The following FRAS1 variants were observed in gnomAD, a reference collection of about 807,000 sequenced individuals.
The protein encoded by FRAS1 is Fraser extracellular matrix complex subunit 1, also known as extracellular matrix organizing protein FRAS1.
Under a neutral mutation model 435.2 loss-of-function variants are expected in FRAS1, and 290 were observed. That is an observed-to-expected ratio of 0.67 (90% confidence interval 0.61 to 0.73). The LOEUF (loss-of-function observed/expected upper bound fraction) is 0.73. Among genes scored for constraint, FRAS1 ranks in the 30% least tolerant of loss-of-function variants. The pLI is 0.00. For missense variants in FRAS1, 4,860 were observed against 5,001.5 expected (o/e 0.97, Z 0.85); for synonymous variants, 1,800 against 1,851.0 (o/e 0.97, Z 0.71).
At chr4:78,409,107 A>C (rs1733221601) in intron 31 of FRAS1, among the ~76,000 whole-genome samples, 1 of 142,482 alleles carries the variant, frequency 7.0e-6, no homozygotes, top group Non-Finnish European at 1.5e-5. Context: ...TGACAGAGCG[A>C]GACCCTCTCT....
chr4:78,507,514 C>A lies in FRAS1; in HGVS notation c.9410C>A (p.Pro3137Gln). Residue 3137 changes from proline to glutamine, a missense_variant, in exon 62 of 74, where the codon CCA becomes CAA. Coordinates refer to ENST00000512123, the MANE Select transcript of FRAS1 (RefSeq NM_025074.7). Reference protein sequence around the residue: ...SFSLVLGPDDPVEAVLGDVTT... With the variant: ...SFSLVLGPDDQVEAVLGDVTT... ...TCACTAGTCCTTGGCCCAGATGACC[C>A]AGTGGAAGCAGTTCTTGGGGATGTG... 1 of 1,612,096 alleles carries A rather than the reference C, an allele frequency of 6.2e-7. No homozygotes were observed. The highest frequency in any genetic ancestry group is 8.5e-7 in the Non-Finnish European group (1 of 1,179,122).
chr4:78,123,235 T>A (rs977466726), intron 2 of FRAS1, among the ~76,000 whole-genome samples: 2 of 152,202 alleles, frequency 1.3e-5, no homozygotes, highest in African/African-American at 4.8e-5. Context: ...AAATAGGGAA[T>A]CTTTTCCCCA....
chr4:78,305,059 A>G lies in FRAS1; in HGVS notation c.1535-3007A>G, dbSNP rs1377496572. 2.6e-5 allele frequency among the ~76,000 whole-genome samples: 4 copies of G among 152,104 alleles called. 1 individual carries two copies. The highest frequency in any genetic ancestry group is 6.5e-5 in the Admixed American group (1 of 15,288). On this transcript the variant is annotated intron_variant, in intron 14 of 73. Transcript: ENST00000512123. ...TGTGTCCCAGAGATTCTGGTATGTTATGTCTTTGTTCTCATTGGTTTCAAA... is the reference window on the plus strand; with the variant it reads ...TGTGTCCCAGAGATTCTGGTATGTTGTGTCTTTGTTCTCATTGGTTTCAAA...
chr4:78,197,814 G>A (rs890579508), intron 2 of FRAS1, among the ~76,000 whole-genome samples: 11 of 152,004 alleles, frequency 7.2e-5, no homozygotes, highest in African/African-American at 1.9e-4. Context: ...GGTGGTGGGC[G>A]CCTGTAGTCC....
At chr4:78,345,616 C>A (rs1050666861) in intron 20 of FRAS1, among the ~76,000 whole-genome samples, 1 of 151,386 alleles carries the variant, frequency 6.6e-6, no homozygotes, top group African/African-American at 2.4e-5. Context: ...TTTTGTAATG[C>A]ACTTTCTTTT....
At chr4:78,178,277 C>T (rs1338234429) in intron 2 of FRAS1, among the ~76,000 whole-genome samples, 1 of 152,126 alleles carries the variant, frequency 6.6e-6, no homozygotes, top group Non-Finnish European at 1.5e-5. Context: ...ATGATTACTG[C>T]AGGCACCTTA....
At chr4:78,097,669 C>G (rs942345815) in intron 2 of FRAS1, among the ~76,000 whole-genome samples, 23 of 152,156 alleles carry the variant, frequency 1.5e-4, no homozygotes, top group African/African-American at 5.1e-4. Context: ...TATCATAGAA[C>G]AGCATGGAAA....
At chr4:78,097,664 T>TG (rs34601511) in intron 2 of FRAS1, among the ~76,000 whole-genome samples, 42,537 of 151,950 alleles carry the variant, frequency 0.28, 6,277 homozygotes, top group African/African-American at 0.35. Flanking sequence ...TTCACTATCA[T>TG]AGAACAGCAT....
At chr4:78,535,665 A>G (rs1484196382) in intron 71 of FRAS1, among the ~76,000 whole-genome samples, 1 of 152,146 alleles carries the variant, frequency 6.6e-6, no homozygotes, top group Admixed American at 6.5e-5. Context: ...CCTCACAGCT[A>G]TATTTTAGGT....
At chr4:78,446,458 G>T in intron 42 of FRAS1, 1 of 1,226,066 alleles carries the variant, frequency 8.2e-7, no homozygotes, top group Non-Finnish European at 1.0e-6. Flanking sequence ...CCATATTTTT[G>T]GTCTAGAAAA....
chr4:78,271,558 T>C (rs1388546255), intron 9 of FRAS1, among the ~76,000 whole-genome samples: 3 of 152,168 alleles, frequency 2.0e-5, no homozygotes, highest in African/African-American at 7.2e-5. Flanking sequence ...AGTGAGAACA[T>C]GCAGTGTTTA....
At position 78,507,627 on chromosome 4, in the gene FRAS1, AG is replaced by A. The variant is rs1400178051; in HGVS notation, c.9504+21del. ...ACCCATTGTGAGTTGCTTGACCCAA[AG>A]GATTGCTGTTTTACGTCTCAGTGAC... On this transcript the variant is annotated intron_variant, in intron 62 of 73. Transcript: ENST00000512123. The A allele has an allele frequency of 6.4e-7, 1 of 1,570,106 alleles. No individual in the cohort carries two copies.
At chr4:78,469,505 C>A (rs754468944) in intron 50 of FRAS1, among the ~76,000 whole-genome samples, 8 of 152,164 alleles carry the variant, frequency 5.3e-5, no homozygotes, top group Non-Finnish European at 1.2e-4. Flanking sequence ...AAAATATCTT[C>A]CCATGAAAAC....
intron 30 of FRAS1, among the ~76,000 whole-genome samples, chr4:78,406,189 C>T (rs1733087597): frequency 6.6e-6 from 1 of 152,174 alleles, no homozygotes; most frequent in Non-Finnish European, 1.5e-5. Context: ...ATTCAAATCC[C>T]AGCTCATCAA....
At chr4:78,497,731 T>C (rs1720547589) in intron 60 of FRAS1, among the ~76,000 whole-genome samples, 1 of 152,370 alleles carries the variant, frequency 6.6e-6, no homozygotes, top group South Asian at 2.1e-4. Context: ...CAAACCTGGA[T>C]GTGAACTTCA....
intron 70 of FRAS1, among the ~76,000 whole-genome samples, chr4:78,527,419 G>T (rs909529676): frequency 6.6e-6 from 1 of 152,136 alleles, no homozygotes; most frequent in Admixed American, 6.5e-5. Context: ...CTAGAGCAGA[G>T]GATTAAAAGT....
chr4:78,430,713 A>C (rs1488004911), intron 37 of FRAS1, among the ~76,000 whole-genome samples: 1 of 152,158 alleles, frequency 6.6e-6, no homozygotes, highest in Non-Finnish European at 1.5e-5. Flanking sequence ...GAATGACACC[A>C]TATGAGGGAT....
chr4:78,498,021 A>G (rs1464941538), intron 60 of FRAS1, among the ~76,000 whole-genome samples: 1 of 152,194 alleles, frequency 6.6e-6, no homozygotes, highest in Admixed American at 6.5e-5. Flanking sequence ...GTTCTCACTC[A>G]TAAGTGGGAG....
intron 30 of FRAS1, among the ~76,000 whole-genome samples, chr4:78,401,229 A>C (rs12500159): frequency 0.31 from 47,156 of 151,758 alleles, 7,563 homozygotes; most frequent in African/African-American, 0.39. Context: ...CAAACTCTGT[A>C]TTATATGCCT....
Sources: gnomAD v4.1 joint callset for allele counts (sites outside exome capture counted in the v4.1 genomes callset) on GRCh38, gnomAD v4.1.1 for gene constraint, MANE v1.5 for transcripts, NCBI Gene and HGNC (gene_info 2026-07-23, HGNC 2026-07-21) for gene names.